SH3GL2: variants seen among roughly 807,000 people sequenced by gnomAD.
The protein encoded by SH3GL2 is endophilin-A1.
A neutral mutation model predicts 46.0 loss-of-function variants in SH3GL2; 24 were observed. That is an observed-to-expected ratio of 0.52 (90% confidence interval 0.38 to 0.73). The LOEUF is 0.73. SH3GL2 is among the 30% of genes least tolerant of loss of function. The pLI is 0.00. For synonymous variants in SH3GL2, 196 were observed against 147.1 expected, an observed-to-expected ratio of 1.33 and a Z score of -2.40; for missense variants, 413 against 424.2, an observed-to-expected ratio of 0.97 and a Z score of 0.23.
At chr9:17,791,005 A>G (rs913663697) in intron 6 of SH3GL2, among the ~76,000 whole-genome samples, 5 of 152,122 alleles carry the variant, frequency 3.3e-5, no homozygotes, top group African/African-American at 7.2e-5. Flanking sequence ...GCTTCTCCTC[A>G]TGGTACTGAT....
chr9:17,681,388 T>A (rs1820762692), intron 1 of SH3GL2, among the ~76,000 whole-genome samples: 1 of 152,172 alleles, frequency 6.6e-6, no homozygotes, highest in African/African-American at 2.4e-5. Context: ...GTCTCTTGAT[T>A]TATCAGCAAA....
At chr9:17,758,499 T>C (rs566089182) in intron 2 of SH3GL2, among the ~76,000 whole-genome samples, 117 of 130,738 alleles carry the variant, frequency 8.9e-4, no homozygotes, top group Middle Eastern at 5.2e-3. Context: ...GAGGAGGAGG[T>C]TGCGGTGAGC....
chr9:17,792,252 G>A (rs755707079), intron 7 of SH3GL2, among the ~76,000 whole-genome samples: 2 of 152,098 alleles, frequency 1.3e-5, no homozygotes, highest in Non-Finnish European at 2.9e-5. Flanking sequence ...TTCCTTCGGC[G>A]CAGCCTTATG....
At chr9:17,769,743 T>C (rs372377854) in intron 3 of SH3GL2, among the ~76,000 whole-genome samples, 101 of 152,328 alleles carry the variant, frequency 6.6e-4, no homozygotes, top group African/African-American at 2.3e-3. Flanking sequence ...ATTTATCTTT[T>C]TGTTTATTGT....
intron 3 of SH3GL2, among the ~76,000 whole-genome samples, chr9:17,766,697 T>A (rs1255637596): frequency 1.3e-5 from 2 of 152,202 alleles, no homozygotes; most frequent in Non-Finnish European, 2.9e-5. Flanking sequence ...TACTCTGGAT[T>A]TCGGTCTGTA....
chr9:17,698,713 A>C (rs1235152341), intron 1 of SH3GL2, among the ~76,000 whole-genome samples: 2 of 152,220 alleles, frequency 1.3e-5, no homozygotes, highest in Admixed American at 6.5e-5. Context: ...TATGCAGAAG[A>C]GGTGGACTAA....
intron 1 of SH3GL2, among the ~76,000 whole-genome samples, chr9:17,737,272 A>C (rs993519172): frequency 2.0e-5 from 3 of 152,272 alleles, no homozygotes; most frequent in African/African-American, 7.2e-5. Context: ...TGATGGGTGC[A>C]GCAAACCACC....
intron 1 of SH3GL2, among the ~76,000 whole-genome samples, chr9:17,668,351 C>CA (rs1162965672): frequency 6.6e-6 from 1 of 152,180 alleles, no homozygotes; most frequent in Non-Finnish European, 1.5e-5. Flanking sequence ...TCCAGAGTCC[C>CA]ATCACTAGTT....
intron 1 of SH3GL2, among the ~76,000 whole-genome samples, chr9:17,675,529 A>T (rs1196635305): frequency 6.6e-6 from 1 of 152,192 alleles, no homozygotes; most frequent in East Asian, 1.9e-4. Context: ...TACAGAAGTT[A>T]TTTTTCCCTA....
rs13298431 is a variant in SH3GL2 at position 17,717,783 on chromosome 9, A to T, written c.46-29283A>T. On this transcript the variant is annotated intron_variant, in intron 1 of 8. Transcript: ENST00000380607. Reference sequence around the variant, plus strand: ...AAATGTACTCTATGTGCTGTAAAGGACTGTATGTTTGATTATGTTTGATAT... The same window carrying T: ...AAATGTACTCTATGTGCTGTAAAGGTCTGTATGTTTGATTATGTTTGATAT... Among the ~76,000 whole-genome samples, 459 of 142,818 alleles carry T rather than the reference A, an allele frequency of 3.2e-3. 2 individuals are homozygous for T. Among genetic ancestry groups the T allele is most frequent in the Middle Eastern group, 0.017 (5 of 288 alleles). The allele number at this position is 142,818 out of a possible 152,430, so 93.7% of individuals were successfully genotyped here.
chr9:17,662,743 C>T (rs1820252099), intron 1 of SH3GL2, among the ~76,000 whole-genome samples: 2 of 115,934 alleles, frequency 1.7e-5, no homozygotes, highest in African/African-American at 3.3e-5. Flanking sequence ...GAGTCTTGCT[C>T]TTGTCACCCA....
chr9:17,606,552 C>T (rs1368543002), intron 1 of SH3GL2, among the ~76,000 whole-genome samples: 3 of 152,186 alleles, frequency 2.0e-5, no homozygotes, highest in Non-Finnish European at 4.4e-5. Context: ...TGGTCCATGG[C>T]TGTACCAGTT....
intron 3 of SH3GL2, among the ~76,000 whole-genome samples, chr9:17,784,923 T>G (rs1823911213): frequency 6.6e-6 from 1 of 152,152 alleles, no homozygotes; most frequent in South Asian, 2.1e-4. Context: ...TATGTTGCCT[T>G]GCTGGTCTCA....
intron 3 of SH3GL2, among the ~76,000 whole-genome samples, chr9:17,773,143 A>G (rs940085954): frequency 1.3e-5 from 2 of 152,076 alleles, no homozygotes; most frequent in African/African-American, 4.8e-5. Flanking sequence ...CTTTGGGGAA[A>G]TGTCAATTCA....
intron 2 of SH3GL2, among the ~76,000 whole-genome samples, chr9:17,757,665 T>C (rs888617893): frequency 2.6e-5 from 4 of 152,166 alleles, no homozygotes; most frequent in African/African-American, 9.7e-5. Context: ...ATTTTGGACA[T>C]TGAGAAAAAT....
At chr9:17,719,680 C>G (rs1821844820) in intron 1 of SH3GL2, among the ~76,000 whole-genome samples, 1 of 151,410 alleles carries the variant, frequency 6.6e-6, no homozygotes, top group South Asian at 2.1e-4. Context: ...GTGGTCCTGG[C>G]TATTTGGGAG....
chr9:17,632,224 C>G (rs1819443327), intron 1 of SH3GL2, among the ~76,000 whole-genome samples: 1 of 152,114 alleles, frequency 6.6e-6, no homozygotes, highest in Non-Finnish European at 1.5e-5. Flanking sequence ...AAGTGAAATA[C>G]TACAAAGAAG....
chr9:17,729,687 A>G (rs1351524823), intron 1 of SH3GL2, among the ~76,000 whole-genome samples: 1 of 152,220 alleles, frequency 6.6e-6, no homozygotes. Flanking sequence ...ATGGGTAGCC[A>G]GTTTTCCCAA....
chr9:17,579,674 GA>G (rs1380920889), intron 1 of SH3GL2, among the ~76,000 whole-genome samples: 5 of 152,216 alleles, frequency 3.3e-5, no homozygotes. Flanking sequence ...TGACCTTGCG[GA>G]GTCGGTGCAC....
Sources: gnomAD v4.1 joint callset for allele counts (sites outside exome capture counted in the v4.1 genomes callset) on GRCh38, gnomAD v4.1.1 for gene constraint, MANE v1.5 for transcripts, NCBI Gene and HGNC (gene_info 2026-07-23, HGNC 2026-07-21) for gene names.